The following PDZD2 variants were observed in gnomAD, a reference collection of about 807,000 sequenced individuals.
The protein encoded by PDZD2 is PDZ domain-containing protein 2.
PDZD2 carries 90 observed loss-of-function variants against 220.7 expected under a neutral mutation model. The ratio of observed to expected loss-of-function variants is 0.41; its 90% CI spans 0.34 to 0.49. The LOEUF is 0.49. PDZD2 is among the 20% of genes least tolerant of loss of function. The probability of loss-of-function intolerance (pLI) is 0.28; values close to 1 mark genes in which losing one functional copy is unlikely to be tolerated. For synonymous variants in PDZD2, 1,375 were observed against 1,450.5 expected, an observed-to-expected ratio of 0.95 and a Z score of 1.18; for missense variants, 3,174 against 3,608.5, an observed-to-expected ratio of 0.88 and a Z score of 3.08.
chr5:31,935,100 AG>A (rs1228185968), intron 2 of PDZD2, among the ~76,000 whole-genome samples: 2 of 149,324 alleles, frequency 1.3e-5, no homozygotes, highest in East Asian at 2.0e-4. Context: ...AAAAAAAAAA[AG>A]AAAGAAAATA....
At chr5:31,831,911 C>CAAAAAAA (rs56394577) in intron 2 of PDZD2, among the ~76,000 whole-genome samples, 16 of 63,582 alleles carry the variant, frequency 2.5e-4, no homozygotes, top group Admixed American at 7.4e-4. Flanking sequence ...GAGACTGTTT[C>CAAAAAAA]AAAAAAAAAA....
chr5:31,685,515 G>A (rs891693659), intron 1 of PDZD2, among the ~76,000 whole-genome samples: 4 of 151,916 alleles, frequency 2.6e-5, no homozygotes, highest in African/African-American at 9.7e-5. Flanking sequence ...ACTACCCTTC[G>A]CATTTATTTT....
At chr5:31,883,645 T>G (rs1197175407) in intron 2 of PDZD2, among the ~76,000 whole-genome samples, 2 of 144,232 alleles carry the variant, frequency 1.4e-5, no homozygotes, top group South Asian at 2.2e-4. Flanking sequence ...TTGAGACAGA[T>G]TCTCACTCTG....
At chr5:32,022,192 T>G (rs944353840) in intron 6 of PDZD2, among the ~76,000 whole-genome samples, 3 of 144,166 alleles carry the variant, frequency 2.1e-5, no homozygotes, top group Non-Finnish European at 4.5e-5. Flanking sequence ...TTTGTTTTTT[T>G]GTTTTTTGTT....
intron 2 of PDZD2, among the ~76,000 whole-genome samples, chr5:31,900,915 T>C (rs1289533392): frequency 1.3e-5 from 2 of 152,194 alleles, no homozygotes; most frequent in Non-Finnish European, 2.9e-5. Flanking sequence ...ATAAATTTTC[T>C]ACTAAAAGTG....
intron 2 of PDZD2, among the ~76,000 whole-genome samples, chr5:31,817,674 T>C (rs1218272312): frequency 6.6e-6 from 1 of 152,124 alleles, no homozygotes; most frequent in African/African-American, 2.4e-5. Flanking sequence ...TCTATCTATA[T>C]ATTTTTTGAG....
intron 2 of PDZD2, among the ~76,000 whole-genome samples, chr5:31,869,292 C>T (rs1462686887): frequency 6.6e-6 from 1 of 152,196 alleles, no homozygotes; most frequent in African/African-American, 2.4e-5. Context: ...GCCCTCACCG[C>T]TTGGGCTTCC....
chr5:31,945,055 T>C (rs1378513290), intron 2 of PDZD2, among the ~76,000 whole-genome samples: 1 of 152,230 alleles, frequency 6.6e-6, no homozygotes, highest in Non-Finnish European at 1.5e-5. Flanking sequence ...AAGTTGTATA[T>C]CTTTGTAAGA....
intron 1 of PDZD2, among the ~76,000 whole-genome samples, chr5:31,762,862 T>A (rs1048974678): frequency 1.3e-5 from 2 of 152,160 alleles, no homozygotes; most frequent in Non-Finnish European, 2.9e-5. Context: ...GTCCTTCCCC[T>A]GTGGAGTGCT....
intron 14 of PDZD2, among the ~76,000 whole-genome samples, 155 bp from the exon 15 acceptor site, chr5:32,069,414 A>C (rs1002905436): frequency 5.3e-5 from 8 of 152,136 alleles, no homozygotes; most frequent in African/African-American, 1.9e-4. Context: ...GACTTCTTAC[A>C]TGCTCTGAGT....
At chr5:31,792,916 G>A (rs995875003) in intron 1 of PDZD2, among the ~76,000 whole-genome samples, 8 of 151,950 alleles carry the variant, frequency 5.3e-5, no homozygotes, top group African/African-American at 1.9e-4. Context: ...TCAGGTCACT[G>A]CAGCCTCCAC....
intron 1 of PDZD2, among the ~76,000 whole-genome samples, chr5:31,676,561 G>A (rs1198106847): frequency 1.4e-5 from 2 of 146,952 alleles, no homozygotes; most frequent in African/African-American, 5.1e-5. Context: ...CAATTTCTTT[G>A]CTTTCTCTTT....
intron 2 of PDZD2, among the ~76,000 whole-genome samples, chr5:31,821,433 T>C (rs1252262714): frequency 6.6e-6 from 1 of 151,666 alleles, no homozygotes; most frequent in Admixed American, 6.6e-5. Flanking sequence ...AAGGCTGAAG[T>C]GCAATGGCGC....
intron 2 of PDZD2, among the ~76,000 whole-genome samples, chr5:31,843,044 G>A (rs992117545): frequency 6.6e-6 from 1 of 151,918 alleles, no homozygotes; most frequent in Non-Finnish European, 1.5e-5. Flanking sequence ...ACCACACCCG[G>A]CTAATTTTGT....
At chr5:31,889,888 G>A in intron 2 of PDZD2, among the ~76,000 whole-genome samples, 1 of 152,042 alleles carries the variant, frequency 6.6e-6, no homozygotes. Context: ...GGGTGTGGTA[G>A]TGCACACCTT....
chr5:31,866,670 G>T (rs1218977538), intron 2 of PDZD2, among the ~76,000 whole-genome samples: 2 of 152,220 alleles, frequency 1.3e-5, no homozygotes, highest in Non-Finnish European at 2.9e-5. Flanking sequence ...TGTCCTGTGG[G>T]AGAGGCACCT....
At position 32,033,721 on chromosome 5, in the gene PDZD2, G is replaced by C. The variant is rs528086933; in HGVS notation, c.1408-3510G>C. On this transcript the variant is annotated intron_variant, in intron 6 of 24. Transcript: ENST00000438447. ...TGCAACCTCTGCCTCCTGGTTTCAAGCAATCCTCCTTCCTCAGCCTCCCAA... is the reference window on the plus strand; with the variant it reads ...TGCAACCTCTGCCTCCTGGTTTCAACCAATCCTCCTTCCTCAGCCTCCCAA... 5.9e-5 allele frequency among the ~76,000 whole-genome samples: 9 copies of C among 151,966 alleles called. No individual in the cohort carries two copies. In the South Asian group the frequency reaches 1.9e-3, roughly 32 times the overall value.
At chr5:32,058,160 G>T in intron 12 of PDZD2, 57 bp downstream of exon 12, 1 of 887,750 alleles carries the variant, frequency 1.1e-6, no homozygotes, top group Non-Finnish European at 1.9e-6. Context: ...TTTGGAATCT[G>T]TTGTTAGCTT....
At chr5:31,838,641 C>T (rs1240080814) in intron 2 of PDZD2, among the ~76,000 whole-genome samples, 2 of 152,268 alleles carry the variant, frequency 1.3e-5, no homozygotes, top group Non-Finnish European at 1.5e-5. Context: ...AACAAGTCAT[C>T]GTTATTTTCT....
Sources: allele counts gnomAD v4.1 joint callset (sites outside exome capture counted in the v4.1 genomes callset), GRCh38; gene constraint gnomAD v4.1.1; transcripts MANE v1.5; gene names NCBI Gene and HGNC (gene_info 2026-07-23, HGNC 2026-07-21).